DENND1A: variants seen among roughly 807,000 people sequenced by gnomAD.
The protein encoded by DENND1A is DENN domain-containing protein 1A.
In DENND1A, 51 loss-of-function variants were observed where a neutral mutation model predicts 113.7. The observed-to-expected ratio is 0.45, with a 90% CI of 0.36 to 0.57. The LOEUF is 0.57. Among genes scored for constraint, DENND1A ranks in the 20% least tolerant of loss-of-function variants. DENND1A has a pLI of 0.00. For synonymous variants in DENND1A, 565 were observed against 570.8 expected, an observed-to-expected ratio of 0.99 and a Z score of 0.14; for missense variants, 1,258 against 1,395.9, an observed-to-expected ratio of 0.90 and a Z score of 1.57.
rs556108313 is a variant in DENND1A, at chr9:123,556,080, C to T, written c.993+1490G>A. On this transcript the variant is annotated intron_variant, in intron 13 of 23. Coordinates refer to ENST00000394215, the MANE Select transcript of DENND1A (RefSeq NM_001352964.2). ...CAAGATCGTGACAAGTAATCAGAGC[C>T]ATGTCACTTTGAGACTAGCAGGACA... Among the ~76,000 whole-genome samples, 12 of 152,318 alleles carry T rather than the reference C, an allele frequency of 7.9e-5. No individual in the cohort carries two copies. The South Asian group carries it at 2.5e-3, about 32-fold the overall frequency.
chr9:123,589,647 GAAAAAAA>G (rs58211177), intron 11 of DENND1A, among the ~76,000 whole-genome samples: 18 of 35,432 alleles, frequency 5.1e-4, no homozygotes, highest in Non-Finnish European at 8.2e-4. Flanking sequence ...TTCTCAGAAT[GAAAAAAA>G]AAAAAAAAAA....
intron 5 of DENND1A, among the ~76,000 whole-genome samples, chr9:123,739,296 AAGAC>A (rs1294464412): frequency 2.0e-5 from 3 of 152,272 alleles, no homozygotes; most frequent in Middle Eastern, 3.4e-3. Context: ...AGTGTGCAGA[AAGAC>A]AGAGAGGGAA....
intron 22 of DENND1A, 46 bp from the exon 23 acceptor site, chr9:123,383,959 G>A (rs1223880119): frequency 6.3e-7 from 1 of 1,577,662 alleles, no homozygotes; most frequent in Non-Finnish European, 8.6e-7. Flanking sequence ...AGGCCTTCAG[G>A]GGAGGAGCAA....
In DENND1A at chr9:123,382,628, G is replaced by T; in HGVS notation, c.2020-3C>A. On this transcript the variant is annotated splice_polypyrimidine_tract_variant and splice_region_variant and intron_variant, in intron 23 of 23. Coordinates refer to ENST00000394215, the MANE Select transcript of DENND1A (RefSeq NM_001352964.2). ...TCACTCCCGCCCAGATCCAGCCTCT[G>T]TTGGGAGGGAAGGAGGGCGGCAGTG... 1 of 1,613,892 alleles carries T rather than the reference G, an allele frequency of 6.2e-7. No individual in the cohort carries two copies. The highest frequency in any genetic ancestry group is 8.5e-7 in the Non-Finnish European group (1 of 1,179,920).
intron 11 of DENND1A, among the ~76,000 whole-genome samples, chr9:123,590,630 C>A (rs1470332289): frequency 1.3e-5 from 2 of 152,128 alleles, no homozygotes; most frequent in African/African-American, 4.8e-5. Context: ...AACAAATGAT[C>A]TTTTGTGGGT....
At position 123,926,397 on chromosome 9, in the gene DENND1A, G is replaced by A. The variant is rs187392013; in HGVS notation, c.17+3492C>T. ...AGCCTGACCAACACGGGAGAAACCC[G>A]TCTCTACCAAATAAAGAAAATTAGC... is the stretch of plus-strand genomic sequence containing the variant. On this transcript the variant is annotated intron_variant, in intron 1 of 23. Transcript: ENST00000394215. Among the ~76,000 whole-genome samples, 419 of 152,046 alleles carry A rather than the reference G, an allele frequency of 2.8e-3. 5 individuals carry two copies. Among genetic ancestry groups the A allele is most frequent in the Non-Finnish European group, 4.7e-3 (317 of 67,968 alleles).
chr9:123,525,235 C>T (rs574451226), intron 13 of DENND1A, among the ~76,000 whole-genome samples: 2 of 152,242 alleles, frequency 1.3e-5, no homozygotes, highest in South Asian at 4.1e-4. Flanking sequence ...GAACCAGGAC[C>T]CAGGGAGCAG....
intron 5 of DENND1A, among the ~76,000 whole-genome samples, chr9:123,681,163 G>A (rs1437525788): frequency 6.6e-6 from 1 of 152,142 alleles, no homozygotes; most frequent in Non-Finnish European, 1.5e-5. Context: ...AAGGGGGCAA[G>A]GAGGGGTTAG....
chr9:123,533,895 G>A (rs2135416400), intron 13 of DENND1A, among the ~76,000 whole-genome samples: 1 of 152,300 alleles, frequency 6.6e-6, no homozygotes, highest in Middle Eastern at 3.4e-3. Flanking sequence ...AATATATGGG[G>A]TCAAGTCATA....
At chr9:123,403,162 C>T (rs144108703) in intron 21 of DENND1A, among the ~76,000 whole-genome samples, 39 of 152,316 alleles carry the variant, frequency 2.6e-4, no homozygotes, top group Non-Finnish European at 1.2e-4. Flanking sequence ...GCTTTGGACC[C>T]CACCCCTCGA....
intron 13 of DENND1A, among the ~76,000 whole-genome samples, chr9:123,495,141 T>TTATCTCTCTC (rs2051765889): frequency 7.1e-6 from 1 of 140,560 alleles, no homozygotes; most frequent in South Asian, 2.3e-4. Context: ...CATTGTCTCT[T>TTATCTCTCTC]TCTCTCTCTC....
At chr9:123,403,339 G>C in intron 21 of DENND1A, 63 bp downstream of exon 21, 4 of 1,568,710 alleles carry the variant, frequency 2.5e-6, no homozygotes, top group Non-Finnish European at 3.5e-6. Flanking sequence ...CTTGGGCTTC[G>C]CAAAGTGCTG....
intron 2 of DENND1A, among the ~76,000 whole-genome samples, chr9:123,853,268 T>C (rs1198650736): frequency 6.6e-6 from 1 of 152,060 alleles, no homozygotes; most frequent in African/African-American, 2.4e-5. Context: ...AAGGCAAGTA[T>C]AGGTTGACTC....
chr9:123,557,128 C>T (rs1031534098), intron 13 of DENND1A, among the ~76,000 whole-genome samples: 5 of 152,210 alleles, frequency 3.3e-5, no homozygotes, highest in East Asian at 3.9e-4. Context: ...ACAGGGGTGG[C>T]GAGGCCCAGT....
chr9:123,549,641 A>G (rs958853329), intron 13 of DENND1A, among the ~76,000 whole-genome samples: 1 of 152,102 alleles, frequency 6.6e-6, no homozygotes. Flanking sequence ...ATATCAAAAG[A>G]CTGGAAATAA....
chr9:123,588,632 A>G (rs1465279973), intron 11 of DENND1A, among the ~76,000 whole-genome samples: 1 of 116,402 alleles, frequency 8.6e-6, no homozygotes, highest in African/African-American at 3.3e-5. Context: ...AAAAAAAAAA[A>G]AGGGGGGGGG....
intron 13 of DENND1A, among the ~76,000 whole-genome samples, chr9:123,533,811 G>A (rs978214692): frequency 6.6e-6 from 1 of 152,124 alleles, no homozygotes; most frequent in African/African-American, 2.4e-5. Flanking sequence ...TAAAAATGTG[G>A]GAAAGAATGT....
intron 2 of DENND1A, among the ~76,000 whole-genome samples, chr9:123,806,162 C>A: frequency 6.6e-6 from 1 of 152,250 alleles, no homozygotes; most frequent in South Asian, 2.1e-4. Context: ...CCATGTTGGG[C>A]AGGCTGGTCT....
chr9:123,924,645 T>A (rs1457735686), intron 1 of DENND1A, among the ~76,000 whole-genome samples: 1 of 146,424 alleles, frequency 6.8e-6, no homozygotes, highest in Non-Finnish European at 1.5e-5. Flanking sequence ...AGTGAAACTG[T>A]CTCAAAAAAA....
Sources: gnomAD v4.1 joint callset for allele counts (sites outside exome capture counted in the v4.1 genomes callset) on GRCh38, gnomAD v4.1.1 for gene constraint, MANE v1.5 for transcripts, NCBI Gene and HGNC (gene_info 2026-07-23, HGNC 2026-07-21) for gene names.